Variants in LRRTM4 observed in about 807,000 individuals in gnomAD.
LRRTM4 encodes the protein leucine rich repeat transmembrane neuronal 4, also known as leucine-rich repeat transmembrane neuronal protein 4.
LRRTM4 carries 25 observed loss-of-function variants against 47.6 expected under a neutral mutation model. The observed-to-expected ratio is 0.53, with a 90% CI of 0.38 to 0.73. The LOEUF (loss-of-function observed/expected upper bound fraction) is 0.73. Ranked by LOEUF, LRRTM4 falls within the 30% of genes least tolerant of loss-of-function variation. The pLI is 0.00. For missense variants in LRRTM4, 638 were observed against 713.4 expected (o/e 0.89, Z 1.20); for synonymous variants, 311 against 269.5 (o/e 1.15, Z -1.51).
chr2:76,865,974 T>C (rs546030850), intron 3 of LRRTM4, among the ~76,000 whole-genome samples: 1 of 152,180 alleles, frequency 6.6e-6, no homozygotes, highest in East Asian at 1.9e-4. Flanking sequence ...AGAAAACACA[T>C]GTTACTATCA....
chr2:77,253,760 G>C (rs971785669), intron 3 of LRRTM4, among the ~76,000 whole-genome samples: 1 of 151,868 alleles, frequency 6.6e-6, no homozygotes, highest in African/African-American at 2.4e-5. Flanking sequence ...AATATGAAGA[G>C]AGTATAATCA....
At chr2:77,217,248 A>C (rs984068068) in intron 3 of LRRTM4, among the ~76,000 whole-genome samples, 2 of 150,702 alleles carry the variant, frequency 1.3e-5, no homozygotes, top group South Asian at 2.1e-4. Context: ...CTGTTTACCT[A>C]ATCTGTTTAC....
intron 3 of LRRTM4, among the ~76,000 whole-genome samples, chr2:77,061,613 A>C (rs746744369): frequency 3.9e-5 from 6 of 152,190 alleles, no homozygotes; most frequent in Non-Finnish European, 7.4e-5. Flanking sequence ...TTTTGGTTGC[A>C]GCATTGCTAA....
At chr2:77,066,866 T>C (rs1679972991) in intron 3 of LRRTM4, among the ~76,000 whole-genome samples, 1 of 152,216 alleles carries the variant, frequency 6.6e-6, no homozygotes, top group South Asian at 2.1e-4. Context: ...CTGGTAATGT[T>C]GTGCATGTAT....
At chr2:77,061,107 T>G (rs1273163511) in intron 3 of LRRTM4, among the ~76,000 whole-genome samples, 2 of 113,308 alleles carry the variant, frequency 1.8e-5, no homozygotes, top group African/African-American at 6.2e-5. Flanking sequence ...CCATTAGAGT[T>G]TTTTTTTTTT....
chr2:77,126,374 G>A (rs1344450254), intron 3 of LRRTM4, among the ~76,000 whole-genome samples: 1 of 151,996 alleles, frequency 6.6e-6, no homozygotes, highest in Non-Finnish European at 1.5e-5. Context: ...GAGGTTATGG[G>A]GTATAAAGCA....
At chr2:77,263,013 G>C (rs1675959859) in intron 3 of LRRTM4, among the ~76,000 whole-genome samples, 2 of 152,114 alleles carry the variant, frequency 1.3e-5, no homozygotes, top group Non-Finnish European at 1.5e-5. Flanking sequence ...CAAGTGATTA[G>C]AAGGTTACAA....
At chr2:77,507,606 T>C (rs1301285122) in intron 3 of LRRTM4, among the ~76,000 whole-genome samples, 1 of 151,976 alleles carries the variant, frequency 6.6e-6, no homozygotes, top group African/African-American at 2.4e-5. Flanking sequence ...AGTTTCAAGA[T>C]TGACATCTAA....
intron 3 of LRRTM4, among the ~76,000 whole-genome samples, chr2:77,051,709 GT>G (rs1322896380): frequency 1.3e-5 from 2 of 152,172 alleles, no homozygotes; most frequent in Admixed American, 6.5e-5. Context: ...ACCAGGTTTT[GT>G]GTAGGGCTGT....
At chr2:77,183,012 A>C (rs903698275) in intron 3 of LRRTM4, among the ~76,000 whole-genome samples, 2 of 152,240 alleles carry the variant, frequency 1.3e-5, no homozygotes, top group African/African-American at 2.4e-5. Flanking sequence ...ACCATTCAGG[A>C]CATAGGCATG....
chr2:76,856,019 G>A (rs1418520083), intron 3 of LRRTM4, among the ~76,000 whole-genome samples: 3 of 152,220 alleles, frequency 2.0e-5, no homozygotes, highest in African/African-American at 7.2e-5. Context: ...GCTCATGCCT[G>A]TAATCCCAGC....
chr2:76,954,622 T>C (rs986445351), intron 3 of LRRTM4, among the ~76,000 whole-genome samples: 6 of 151,774 alleles, frequency 4.0e-5, no homozygotes, highest in Admixed American at 3.3e-4. Context: ...GAAAGCTTAC[T>C]TGGACAAGTA....
chr2:77,280,729 T>G (rs1023407306), intron 3 of LRRTM4, among the ~76,000 whole-genome samples: 2 of 152,042 alleles, frequency 1.3e-5, no homozygotes, highest in African/African-American at 2.4e-5. Flanking sequence ...CTATGAGAAT[T>G]AAGAATGTTG....
At chr2:77,415,005 C>T (rs942330587) in intron 3 of LRRTM4, among the ~76,000 whole-genome samples, 9 of 152,048 alleles carry the variant, frequency 5.9e-5, no homozygotes. Context: ...CTAATCATTC[C>T]AAAATAGCCT....
At chr2:76,812,373 T>C (rs764869717) in intron 3 of LRRTM4, among the ~76,000 whole-genome samples, 1 of 152,164 alleles carries the variant, frequency 6.6e-6, no homozygotes, top group Non-Finnish European at 1.5e-5. Flanking sequence ...ACCAATGAAA[T>C]GCTCTCTGAG....
At chr2:76,979,710 ATAG>A (rs1676540369) in intron 3 of LRRTM4, among the ~76,000 whole-genome samples, 1 of 151,622 alleles carries the variant, frequency 6.6e-6, no homozygotes, top group Admixed American at 6.6e-5. Context: ...AGATAGATAG[ATAG>A]ATAGATAGAT....
chr2:77,240,188 A>G (rs1675218518), intron 3 of LRRTM4, among the ~76,000 whole-genome samples: 1 of 151,926 alleles, frequency 6.6e-6, no homozygotes, highest in African/African-American at 2.4e-5. Flanking sequence ...TAACTAGCAC[A>G]CCATACAAAA....
chr2:77,434,296 T>TAAAACC (rs1675503625), intron 3 of LRRTM4, among the ~76,000 whole-genome samples: 1 of 151,238 alleles, frequency 6.6e-6, no homozygotes, highest in Non-Finnish European at 1.5e-5. Flanking sequence ...TCTTACTGAA[T>TAAAACC]AGGAACCAGG....
At chr2:77,097,942 A>G (rs1236443960) in intron 3 of LRRTM4, among the ~76,000 whole-genome samples, 1 of 152,002 alleles carries the variant, frequency 6.6e-6, no homozygotes, top group African/African-American at 2.4e-5. Context: ...TTATGATTAT[A>G]TGAGAATAAA....
Sources: allele counts gnomAD v4.1 joint callset (sites outside exome capture counted in the v4.1 genomes callset), GRCh38; gene constraint gnomAD v4.1.1; transcripts MANE v1.5; gene names NCBI Gene and HGNC (gene_info 2026-07-23, HGNC 2026-07-21).